Variants in KMT5B observed in about 807,000 individuals in gnomAD.
KMT5B encodes lysine methyltransferase 5B.
Under a neutral mutation model 83.2 loss-of-function variants are expected in KMT5B, and 10 were observed. That is an observed-to-expected ratio of 0.12 (90% confidence interval 0.07 to 0.20). KMT5B has a LOEUF of 0.20. KMT5B is among the 10% of genes least tolerant of loss of function. The pLI, the probability that KMT5B is intolerant of heterozygous loss-of-function variation, is 1.00. For missense variants in KMT5B, 753 were observed against 1,067.2 expected (o/e 0.71, Z 4.10); for synonymous variants, 349 against 388.8 (o/e 0.90, Z 1.20).
intron 2 of KMT5B, among the ~76,000 whole-genome samples, chr11:68,188,008 A>T (rs1276457847): frequency 1.3e-5 from 2 of 149,892 alleles, no homozygotes; most frequent in Non-Finnish European, 3.0e-5. Flanking sequence ...AACCAAAGTA[A>T]TGGCCATTTT....
chr11:68,158,609 C>T lies in KMT5B; in HGVS notation c.1737G>A (p.Leu579=), dbSNP rs150879582. Residue 579 remains leucine (L), a synonymous_variant, in exon 11 of 11, where the codon CTG becomes CTA. Transcript: ENST00000304363. ...TEPCPDSGEQ[L]QPAPVLQEEE... ...CCTCCTGCAGCACAGGAGCTGGCTG[C>T]AGCTGTTCACCACTGTCGGGGCAAG... 81 of 1,614,064 alleles carry T rather than the reference C, an allele frequency of 5.0e-5. 1 individual carries two copies. The African/African-American group carries it at 9.5e-4, about 19-fold the overall frequency.
intron 10 of KMT5B, chr11:68,165,859 A>G: frequency 6.2e-7 from 1 of 1,612,742 alleles, no homozygotes; most frequent in Non-Finnish European, 8.5e-7. Flanking sequence ...TTATGCTTGG[A>G]CTCTGACTCC....
intron 3 of KMT5B, 22 bp downstream of exon 3, chr11:68,185,759 C>A: frequency 6.2e-7 from 1 of 1,602,856 alleles, no homozygotes; most frequent in Non-Finnish European, 8.5e-7. Flanking sequence ...CTGTTCCATT[C>A]AGGATAAAGA....
intron 4 of KMT5B, chr11:68,179,566 G>A (rs1397926564): frequency 7.7e-7 from 1 of 1,303,984 alleles, no homozygotes; most frequent in African/African-American, 1.5e-5. Context: ...GTTGTAGACT[G>A]TATTAGCTGT....
chr11:68,157,576 T>C lies in KMT5B; in HGVS notation c.*112A>G. On this transcript the variant is annotated 3_prime_UTR_variant, in exon 11 of 11. Transcript: ENST00000304363. ...TACACTTTCTACAATAGTATGCTGA[T>C]AAGTGAAGGGACAATAGAAGTGCTG... 1 of 1,423,384 alleles carries C rather than the reference T, an allele frequency of 7.0e-7. No individual in the cohort carries two copies. Among genetic ancestry groups the C allele is most frequent in the South Asian group, 1.7e-5 (1 of 59,694 alleles). The allele number at this position is 1,423,384 out of a possible 1,614,324, so 88.2% of individuals were successfully genotyped here.
rs76927224 is a variant in KMT5B at position 68,164,865 on chromosome 11, G to C, written c.1174+2117C>G. Among the ~76,000 whole-genome samples the C allele has an allele frequency of 6.3e-3, 953 of 152,318 alleles. 5 individuals carry two copies. The highest frequency in any genetic ancestry group is 9.2e-3 in the Non-Finnish European group (626 of 68,026). On this transcript the variant is annotated intron_variant, in intron 10 of 10. Transcript: ENST00000304363. ...CCTGTCTTATCCTGGAGCTAAGTAA[G>C]GCATAAGCTCCCTGAGGAAAGGGCC...
At chr11:68,206,102 T>C (rs1290502614) in intron 1 of KMT5B, among the ~76,000 whole-genome samples, 1 of 152,204 alleles carries the variant, frequency 6.6e-6, no homozygotes, top group Non-Finnish European at 1.5e-5. Context: ...GTAGTTATTT[T>C]AAAACAAAGG....
At chr11:68,209,157 ACTC>A (rs1555044733) in intron 1 of KMT5B, among the ~76,000 whole-genome samples, 1 of 152,004 alleles carries the variant, frequency 6.6e-6, no homozygotes, top group Non-Finnish European at 1.5e-5. Flanking sequence ...AAATAAAAAT[ACTC>A]CTCAGAGACC....
intron 1 of KMT5B, among the ~76,000 whole-genome samples, chr11:68,202,073 A>G (rs1294853547): frequency 6.6e-6 from 1 of 152,212 alleles, no homozygotes; most frequent in Non-Finnish European, 1.5e-5. Flanking sequence ...TCTCAAAGAA[A>G]TAATAAAAAG....
chr11:68,200,965 G>C (rs542728120), intron 1 of KMT5B, among the ~76,000 whole-genome samples: 1 of 152,260 alleles, frequency 6.6e-6, no homozygotes, highest in South Asian at 2.1e-4. Flanking sequence ...CAACACATGG[G>C]AAAAGAAGCA....
intron 1 of KMT5B, chr11:68,212,800 T>C (rs972445361): frequency 6.6e-6 from 1 of 152,070 alleles, no homozygotes; most frequent in East Asian, 1.9e-4. Flanking sequence ...GGTTCACGGC[T>C]GCCCATTGGA....
In KMT5B at chr11:68,157,823, A is replaced by G. The variant is rs1307167023; in HGVS notation, c.2523T>C (p.Tyr841=). Residue 841 remains tyrosine, a synonymous_variant, in exon 11 of 11, where the codon TAT becomes TAC. Coordinates refer to ENST00000304363, the MANE Select transcript of KMT5B (RefSeq NM_017635.5). ...SSEGDEEEDD[Y]DDDFEDDFIP... is the part of the protein sequence containing the mutation. ...TAAAATCGTCTTCAAAGTCATCATC[A>G]TAGTCATCCTCCTCTTCATCGCCCT... The G allele has an allele frequency of 2.5e-6, 4 of 1,613,900 alleles. No individual in the cohort carries two copies. Among genetic ancestry groups the G allele is most frequent in the Non-Finnish European group, 3.4e-6 (4 of 1,180,032 alleles).
chr11:68,193,202 T>G (rs886972060), intron 1 of KMT5B, among the ~76,000 whole-genome samples: 1 of 152,198 alleles, frequency 6.6e-6, no homozygotes, highest in Admixed American at 6.5e-5. Flanking sequence ...TGAGGCCACA[T>G]GCCTAAAACC....
intron 6 of KMT5B, among the ~76,000 whole-genome samples, chr11:68,173,502 T>C (rs1856046805): frequency 6.6e-6 from 1 of 152,212 alleles, no homozygotes; most frequent in Non-Finnish European, 1.5e-5. Flanking sequence ...AGACTGACTG[T>C]GGAAGCCAGG....
chr11:68,165,923 AC>A, intron 10 of KMT5B: 1 of 1,612,886 alleles, frequency 6.2e-7, no homozygotes, highest in Non-Finnish European at 8.5e-7. Context: ...ATCATGGGAA[AC>A]ACCTTCCCTT....
chr11:68,171,439 C>A lies in KMT5B; in HGVS notation c.820+104G>T. On this transcript the variant is annotated intron_variant, in intron 7 of 10. Transcript: ENST00000304363. This position sits in a 1 kb window ranked among gnomAD's most constrained non-coding sequence, Gnocchi z 5.1. ...TGTGGAAACATTTCTATTTCAAATT[C>A]TCCTTTAAAGGAAGATAAAGGTTTG... The A allele has an allele frequency of 1.5e-6, 2 of 1,343,266 alleles. No individual in the cohort carries two copies. The highest frequency in any genetic ancestry group is 2.1e-6 in the Non-Finnish European group (2 of 975,090). 83.2% of individuals were successfully genotyped at this position (1,343,266 alleles called of 1,614,324 possible). A position where few individuals can be genotyped will look rare whatever the true frequency, so the allele number is the denominator to read the frequency against.
At chr11:68,196,191 G>C (rs1858687529) in intron 1 of KMT5B, among the ~76,000 whole-genome samples, 2 of 151,790 alleles carry the variant, frequency 1.3e-5, no homozygotes, top group Non-Finnish European at 2.9e-5. Context: ...TTTTTCCTGG[G>C]GGTGTGGGGA....
intron 9 of KMT5B, among the ~76,000 whole-genome samples, chr11:68,169,112 T>C (rs532995297): frequency 7.2e-5 from 11 of 152,346 alleles, no homozygotes; most frequent in African/African-American, 2.4e-4. Flanking sequence ...ATCATGCTGT[T>C]CCATTTAAAA....
At chr11:68,212,521 T>C (rs1861041121) in intron 1 of KMT5B, 2 of 152,220 alleles carry the variant, frequency 1.3e-5, no homozygotes, top group Non-Finnish European at 2.9e-5. Context: ...TTGCATCGAG[T>C]TGTCATTGTT....
Sources: allele counts gnomAD v4.1 joint callset (sites outside exome capture counted in the v4.1 genomes callset), GRCh38; gene constraint gnomAD v4.1.1; non-coding constraint Gnocchi (gnomAD v3.1); transcripts MANE v1.5; gene names NCBI Gene and HGNC (gene_info 2026-07-23, HGNC 2026-07-21).